Variants in MBNL1 observed in about 807,000 individuals in gnomAD.
The protein encoded by MBNL1 is muscleblind-like protein 1.
A neutral mutation model predicts 42.2 loss-of-function variants in MBNL1; 8 were observed. The observed-to-expected ratio is 0.19, with a 90% CI of 0.11 to 0.34. The LOEUF (loss-of-function observed/expected upper bound fraction) is 0.34, where lower values mean the gene tolerates loss of function less well. Among genes scored for constraint, MBNL1 ranks in the 10% least tolerant of loss-of-function variants. The pLI, the probability that MBNL1 is intolerant of heterozygous loss-of-function variation, is 1.00. For synonymous variants in MBNL1, 169 were observed against 173.9 expected (o/e 0.97, Z 0.22); for missense variants, 309 against 495.3 (o/e 0.62, Z 3.57).
intron 2 of MBNL1, among the ~76,000 whole-genome samples, chr3:152,302,951 A>G (rs2061341738): frequency 6.6e-6 from 1 of 151,972 alleles, no homozygotes; most frequent in South Asian, 2.1e-4. Context: ...GCTGCTTCAG[A>G]CTTTGGCCAG....
At chr3:152,314,675 T>C (rs1399622141) in intron 2 of MBNL1, among the ~76,000 whole-genome samples, 1 of 152,180 alleles carries the variant, frequency 6.6e-6, no homozygotes. Flanking sequence ...ATGCCTGGCC[T>C]AGCTCCAAAA....
In MBNL1 at chr3:152,269,026, A is replaced by G. The variant is rs2149624609; in HGVS notation, c.-856A>G. 1 of 456,188 alleles carries G rather than the reference A, an allele frequency of 2.2e-6. No individual in the cohort carries two copies. The highest frequency in any genetic ancestry group is 4.4e-6 in the Non-Finnish European group (1 of 226,950). 28.3% of individuals were successfully genotyped at this position (456,188 alleles called of 1,614,324 possible). ...TTTCCGTCGCGGGCATCTTGGAATC[A>G]TGACTCCCACAATGCCTTGGGCACT... is the stretch of plus-strand genomic sequence containing the variant. On this transcript the variant is annotated 5_prime_UTR_variant, in exon 1 of 10. It removes an upstream start codon present in the reference 5' UTR. Transcript: ENST00000324210.
intron 2 of MBNL1, among the ~76,000 whole-genome samples, chr3:152,372,097 A>G (rs1157508238): frequency 3.3e-5 from 5 of 152,180 alleles, no homozygotes; most frequent in Admixed American, 1.3e-4. Context: ...CGATTTGGCT[A>G]TTGATACTTG....
intron 2 of MBNL1, among the ~76,000 whole-genome samples, chr3:152,332,741 C>CGT (rs369059267): frequency 0.074 from 5,932 of 80,162 alleles, 207 homozygotes; most frequent in Non-Finnish European, 0.1. Flanking sequence ...TGTGTGTGTG[C>CGT]GCGCGCGCAT....
intron 2 of MBNL1, among the ~76,000 whole-genome samples, chr3:152,261,596 C>T (rs1043953753): frequency 2.0e-5 from 3 of 151,976 alleles, no homozygotes; most frequent in Non-Finnish European, 2.9e-5. Context: ...GATTTGTTAC[C>T]GAAAGCCTAG....
chr3:152,290,582 A>G (rs1334236171), intron 1 of MBNL1, among the ~76,000 whole-genome samples: 1 of 152,100 alleles, frequency 6.6e-6, no homozygotes, highest in East Asian at 1.9e-4. Context: ...CAATAATGTC[A>G]TTAGGGATGC....
intron 2 of MBNL1, among the ~76,000 whole-genome samples, chr3:152,407,366 T>C (rs1269777077): frequency 6.6e-6 from 1 of 151,996 alleles, no homozygotes; most frequent in Non-Finnish European, 1.5e-5. Context: ...TAAATATTGA[T>C]TAGGATTGCT....
intron 2 of MBNL1, among the ~76,000 whole-genome samples, chr3:152,365,589 A>C (rs892116269): frequency 6.6e-6 from 1 of 151,888 alleles, no homozygotes; most frequent in African/African-American, 2.4e-5. Context: ...TAAGCAGTTA[A>C]TTTTTTTTCC....
intron 2 of MBNL1, among the ~76,000 whole-genome samples, chr3:152,387,956 T>G (rs77455450): frequency 8.5e-5 from 13 of 152,266 alleles, no homozygotes; most frequent in Non-Finnish European, 1.8e-4. Context: ...TTTCCATAAA[T>G]TAGTGAGAAA....
chr3:152,252,720 T>G (rs369561624), intron 2 of MBNL1, among the ~76,000 whole-genome samples: 1 of 152,130 alleles, frequency 6.6e-6, no homozygotes, highest in Non-Finnish European at 1.5e-5. Flanking sequence ...TATGGGTTTA[T>G]TATTCCAGAG....
At chr3:152,424,184 T>A (rs2098854734) in intron 3 of MBNL1, among the ~76,000 whole-genome samples, 1 of 152,212 alleles carries the variant, frequency 6.6e-6, no homozygotes, top group African/African-American at 2.4e-5. Flanking sequence ...CCCCATCATC[T>A]CAGCCCCAAA....
intron 2 of MBNL1, among the ~76,000 whole-genome samples, chr3:152,402,283 G>T (rs1198222694): frequency 6.6e-6 from 1 of 152,038 alleles, no homozygotes; most frequent in Non-Finnish European, 1.5e-5. Context: ...CATAATTGAG[G>T]CCCCTGTATA....
rs538052459 is a variant in MBNL1 at position 152,331,968 on chromosome 3, A to AG, written c.174+31603dup. Reference sequence around the variant, plus strand: ...CAGCCTCCCAAAGTGCTGGGATTACAGGTGTGAGCCACCGCTCCCGGCCTT... The same window carrying AG: ...CAGCCTCCCAAAGTGCTGGGATTACAGGGTGTGAGCCACCGCTCCCGGCCTT... On this transcript the variant is annotated intron_variant, in intron 2 of 9. Coordinates refer to ENST00000324210, the MANE Select transcript of MBNL1 (RefSeq NM_021038.5). Among the ~76,000 whole-genome samples the AG allele has an allele frequency of 3.0e-3, 459 of 152,310 alleles. 2 individuals carry two copies. Among genetic ancestry groups the AG allele is most frequent in the Admixed American group, 6.9e-3 (106 of 15,286 alleles).
intron 2 of MBNL1, among the ~76,000 whole-genome samples, chr3:152,402,731 T>C (rs887132637): frequency 6.6e-6 from 1 of 152,046 alleles, no homozygotes; most frequent in Non-Finnish European, 1.5e-5. Context: ...AAGAAAAAAA[T>C]GGGGCTATAG....
In MBNL1 at chr3:152,251,408, A is replaced by G. The variant is rs539370238; in HGVS notation, n.333+6968A>G. ...TTACTCAAATCCTTTTTGTGGGGAA[A>G]ACATTTAAAATCTAATCTCTTAGCA... is the stretch of plus-strand genomic sequence containing the variant. On this transcript the variant is annotated intron_variant and non_coding_transcript_variant, in intron 2 of 2. Coordinates refer to the MBNL1 transcript ENST00000477171. Among the ~76,000 whole-genome samples, 20 of 152,238 alleles carry G rather than the reference A, an allele frequency of 1.3e-4. No individual in the cohort carries two copies. The South Asian group carries it at 4.1e-3, about 32-fold the overall frequency.
intron 2 of MBNL1, among the ~76,000 whole-genome samples, chr3:152,322,015 C>T (rs1212918864): frequency 6.6e-6 from 1 of 151,760 alleles, no homozygotes; most frequent in Non-Finnish European, 1.5e-5. Flanking sequence ...GTTTTAAAAG[C>T]CAGGTTATGT....
rs990232512 is a variant in MBNL1, at chr3:152,251,724, G to T, written n.333+7284G>T. On this transcript the variant is annotated intron_variant and non_coding_transcript_variant, in intron 2 of 2. Coordinates refer to the MBNL1 transcript ENST00000477171. ...TGATGTTGTTTCCTCTCCTGCTATC[G>T]TATCTAGAGGCACATGAGGGTCTTA... Among the ~76,000 whole-genome samples, 9 of 151,878 alleles carry T rather than the reference G, an allele frequency of 5.9e-5. No individual in the cohort carries two copies. In the South Asian group the frequency reaches 6.2e-4, roughly 11 times the overall value.
chr3:152,462,432 G>A lies in MBNL1; in HGVS notation c.*66G>A, dbSNP rs1463649804. On this transcript the variant is annotated 3_prime_UTR_variant, in exon 10 of 10. Transcript: ENST00000324210. Reference sequence around the variant, plus strand: ...AGTGTGCTTGGTTAGAGTAAAGGACGAGGTCATTAGCCATATTGTATATAT... The same window carrying A: ...AGTGTGCTTGGTTAGAGTAAAGGACAAGGTCATTAGCCATATTGTATATAT... 1 of 152,120 alleles carries A rather than the reference G, an allele frequency of 6.6e-6. No individual in the cohort carries two copies. Among genetic ancestry groups the A allele is most frequent in the Admixed American group, 6.5e-5 (1 of 15,276 alleles). 9.4% of individuals were successfully genotyped at this position (152,120 alleles called of 1,614,324 possible). A position where few individuals can be genotyped will look rare whatever the true frequency, so the allele number is the denominator to read the frequency against.
chr3:152,338,625 C>T lies in MBNL1; in HGVS notation c.174+38258C>T, dbSNP rs920335798. On this transcript the variant is annotated intron_variant, in intron 2 of 9. Coordinates refer to ENST00000324210, the MANE Select transcript of MBNL1 (RefSeq NM_021038.5). ...AAGAGAATGGCTGTTTGACATAGAC[C>T]TCAGGAGTTTTCAAAGCACCAAGAA... 6.1e-6 allele frequency: 6 copies of T among 985,160 alleles called. No individual in the cohort carries two copies. In the African/African-American group the frequency reaches 8.7e-5, roughly 14 times the overall value. 61.0% of individuals were successfully genotyped at this position (985,160 alleles called of 1,614,324 possible).
Sources: gnomAD v4.1 joint callset for allele counts (sites outside exome capture counted in the v4.1 genomes callset) on GRCh38, gnomAD v4.1.1 for gene constraint, MANE v1.5 for transcripts, NCBI Gene and HGNC (gene_info 2026-07-23, HGNC 2026-07-21) for gene names.